The following PCDH15 variants were observed in gnomAD, a reference collection of about 807,000 sequenced individuals.
PCDH15 encodes the protein protocadherin related 15, also known as protocadherin-15.
PCDH15 carries 129 observed loss-of-function variants against 178.5 expected under a neutral mutation model. The observed-to-expected ratio is 0.72, with a 90% CI of 0.63 to 0.84. The LOEUF is 0.84. PCDH15 is among the 40% of genes least tolerant of loss of function. The pLI is 0.00. For missense variants in PCDH15, 2,230 were observed against 2,099.9 expected (o/e 1.06, Z -1.21); for synonymous variants, 800 against 732.0 (o/e 1.09, Z -1.50).
intron 3 of PCDH15, among the ~76,000 whole-genome samples, chr10:54,417,940 T>C (rs1208743314): frequency 2.6e-5 from 4 of 152,162 alleles, no homozygotes; most frequent in Non-Finnish European, 5.9e-5. Context: ...TCTTATTATT[T>C]TGCCCAGGCT....
At chr10:54,827,570 T>C in intron 3 of PCDH15, among the ~76,000 whole-genome samples, 1 of 152,114 alleles carries the variant, frequency 6.6e-6, no homozygotes, top group East Asian at 1.9e-4. Flanking sequence ...CAGTACACAG[T>C]CTTTTAAATC....
At chr10:54,104,647 T>C (rs947193694) in intron 15 of PCDH15, among the ~76,000 whole-genome samples, 3 of 148,788 alleles carry the variant, frequency 2.0e-5, no homozygotes, top group African/African-American at 5.0e-5. Flanking sequence ...ACCATCCTGG[T>C]TGATACAGTG....
At chr10:55,396,521 A>T (rs1391488508) in intron 2 of PCDH15, among the ~76,000 whole-genome samples, 1 of 152,204 alleles carries the variant, frequency 6.6e-6, no homozygotes, top group African/African-American at 2.4e-5. Context: ...TCATCCTCAG[A>T]GTCGCTAAAA....
At chr10:53,830,928 T>C (rs1332372397) in intron 30 of PCDH15, among the ~76,000 whole-genome samples, 1 of 152,222 alleles carries the variant, frequency 6.6e-6, no homozygotes, top group Non-Finnish European at 1.5e-5. Flanking sequence ...GCGAAGTTAT[T>C]GACCTTCCTT....
chr10:55,280,156 G>T (rs1320836480), intron 1 of PCDH15, among the ~76,000 whole-genome samples: 1 of 151,832 alleles, frequency 6.6e-6, no homozygotes, highest in African/African-American at 2.4e-5. Flanking sequence ...TATAGAGAGA[G>T]CTGGGCAATC....
At chr10:55,011,262 T>C (rs1591834407) in intron 2 of PCDH15, among the ~76,000 whole-genome samples, 1 of 152,054 alleles carries the variant, frequency 6.6e-6, no homozygotes, top group African/African-American at 2.4e-5. Context: ...AAATATATAA[T>C]TGAGATTTCA....
In PCDH15 at chr10:53,825,283, T is replaced by G. The variant is rs377742449; in HGVS notation, c.4367+2110A>C. The stretch of plus-strand genomic sequence containing the variant: ...TAGTACGTATATCAAAAAAAAGGCA[T>G]GTTTTTATATTTTGTTATTATTCAT... On this transcript the variant is annotated intron_variant, in intron 32 of 37. Transcript: ENST00000644397. 1.2e-5 allele frequency: 12 copies of G among 978,656 alleles called. No individual in the cohort carries two copies. In the African/African-American group the frequency reaches 1.7e-4, roughly 14 times the overall value. The allele number at this position is 978,656 out of a possible 1,614,324, so 60.6% of individuals were successfully genotyped here.
At chr10:55,502,630 G>GA (rs1324433480) in intron 2 of PCDH15, among the ~76,000 whole-genome samples, 1 of 151,608 alleles carries the variant, frequency 6.6e-6, no homozygotes, top group Non-Finnish European at 1.5e-5. Flanking sequence ...TGAGTCAAGG[G>GA]ATAGAGGATT....
intron 3 of PCDH15, among the ~76,000 whole-genome samples, chr10:54,521,560 A>AT (rs922633681): frequency 2.6e-5 from 4 of 152,288 alleles, no homozygotes; most frequent in African/African-American, 4.8e-5. Flanking sequence ...TTTATTAATG[A>AT]TTTTTTAAAA....
intron 1 of PCDH15, among the ~76,000 whole-genome samples, chr10:55,194,145 G>A (rs1840020505): frequency 6.6e-6 from 1 of 151,952 alleles, no homozygotes; most frequent in Non-Finnish European, 1.5e-5. Flanking sequence ...ATCCTGGCAT[G>A]TTGGTCAAGA....
chr10:54,908,142 C>T (rs1954757991), intron 2 of PCDH15, among the ~76,000 whole-genome samples: 1 of 152,196 alleles, frequency 6.6e-6, no homozygotes. Flanking sequence ...GATAACTCAG[C>T]CTGGCAGGCT....
At chr10:54,520,865 C>A (rs2138195333) in intron 3 of PCDH15, among the ~76,000 whole-genome samples, 1 of 151,374 alleles carries the variant, frequency 6.6e-6, no homozygotes, top group South Asian at 2.1e-4. Context: ...ACATATACAC[C>A]ATGGAATACT....
intron 3 of PCDH15, among the ~76,000 whole-genome samples, chr10:54,508,503 T>C (rs910981329): frequency 1.3e-5 from 2 of 152,264 alleles, no homozygotes; most frequent in African/African-American, 2.4e-5. Flanking sequence ...TGTCATAGCA[T>C]AACATAGCCT....
At chr10:55,432,860 G>A (rs1198462553) in intron 2 of PCDH15, among the ~76,000 whole-genome samples, 2 of 151,628 alleles carry the variant, frequency 1.3e-5, no homozygotes, top group East Asian at 1.9e-4. Context: ...TCCTGACCTC[G>A]TGATCCGCCC....
At chr10:54,948,831 C>G (rs1838257354) in intron 2 of PCDH15, among the ~76,000 whole-genome samples, 1 of 151,786 alleles carries the variant, frequency 6.6e-6, no homozygotes, top group Non-Finnish European at 1.5e-5. Flanking sequence ...CAATATCATC[C>G]AGAAACACCC....
At chr10:54,012,955 G>A (rs2092635304) in intron 20 of PCDH15, among the ~76,000 whole-genome samples, 1 of 151,860 alleles carries the variant, frequency 6.6e-6, no homozygotes, top group Non-Finnish European at 1.5e-5. Flanking sequence ...TGGGCTAAAT[G>A]ACACAATTTA....
At chr10:54,849,505 C>T (rs753602765) in intron 3 of PCDH15, among the ~76,000 whole-genome samples, 3 of 152,160 alleles carry the variant, frequency 2.0e-5, no homozygotes, top group African/African-American at 7.2e-5. Context: ...GGTTGTTCTG[C>T]CCTTTGTCAC....
Position 55,306,587 on chromosome 10 carries a change from G to C in PCDH15, c.-156+13012C>G, listed in dbSNP as rs753581898. Among the ~76,000 whole-genome samples the C allele has an allele frequency of 7.1e-4, 108 of 152,154 alleles. 1 individual carries two copies. The highest frequency in any genetic ancestry group is 1.4e-3 in the Non-Finnish European group (93 of 68,024). On this transcript the variant is annotated intron_variant, in intron 1 of 5. Transcript: ENST00000458638. ...GTTCTGAGTATTCTATAAATTTCAA[G>C]TGTCAAGAACCTGGAAGGAGTGTAA...
intron 2 of PCDH15, chr10:54,600,006 A>G (rs1340835252): frequency 7.4e-7 from 1 of 1,346,446 alleles, no homozygotes; most frequent in Non-Finnish European, 1.0e-6. Flanking sequence ...CACCAAAGGA[A>G]GAGGCAAAGT....
Sources: allele counts gnomAD v4.1 joint callset (sites outside exome capture counted in the v4.1 genomes callset), GRCh38; gene constraint gnomAD v4.1.1; transcripts MANE v1.5; gene names NCBI Gene and HGNC (gene_info 2026-07-23, HGNC 2026-07-21).